The following MAP3K1 variants were observed in gnomAD, a reference collection of about 807,000 sequenced individuals.
The protein encoded by MAP3K1 is MAP/ERK kinase kinase 1.
MAP3K1 carries 36 observed loss-of-function variants against 144.2 expected under a neutral mutation model. The ratio of observed to expected loss-of-function variants is 0.25; its 90% CI spans 0.19 to 0.33. The LOEUF (loss-of-function observed/expected upper bound fraction) is 0.33, where lower values mean the gene tolerates loss of function less well. Ranked by LOEUF, MAP3K1 falls within the 10% of genes least tolerant of loss-of-function variation. The pLI, the probability that MAP3K1 is intolerant of heterozygous loss-of-function variation, is 1.00. For synonymous variants in MAP3K1, 718 were observed against 688.7 expected, an observed-to-expected ratio of 1.04 and a Z score of -0.67; for missense variants, 1,650 against 1,881.9, an observed-to-expected ratio of 0.88 and a Z score of 2.28.
intron 1 of MAP3K1, among the ~76,000 whole-genome samples, chr5:56,830,961 A>G (rs1171641946): frequency 6.6e-6 from 1 of 152,048 alleles, no homozygotes; most frequent in Non-Finnish European, 1.5e-5. Context: ...CTACATTAAA[A>G]GCATTGGTAA....
At chr5:56,833,244 T>C (rs1006335372) in intron 1 of MAP3K1, among the ~76,000 whole-genome samples, 6 of 152,362 alleles carry the variant, frequency 3.9e-5, no homozygotes, top group African/African-American at 1.4e-4. Flanking sequence ...TAAATTTCAG[T>C]GTTTTTACAA....
At position 56,883,701 on chromosome 5, in the gene MAP3K1, A is replaced by C. The variant is rs367954951; in HGVS notation, c.3819+22A>C. On this transcript the variant is annotated intron_variant, in intron 15 of 19. Transcript: ENST00000399503. ...ACAGGTAAATATCTAGTGAGCATAT[A>C]AATGAAATGACTCAAATCACAAAAT... is the stretch of plus-strand genomic sequence containing the variant. The C allele has an allele frequency of 7.4e-6, 12 of 1,612,590 alleles. No individual in the cohort carries two copies. In the East Asian group the frequency reaches 2.7e-4, roughly 36 times the overall value.
intron 19 of MAP3K1, among the ~76,000 whole-genome samples, chr5:56,891,537 G>C (rs764583655): frequency 7.9e-4 from 121 of 152,278 alleles, no homozygotes; most frequent in Non-Finnish European, 1.5e-3. Flanking sequence ...AAGCGCTTTA[G>C]TTTAATTAGA....
At position 56,856,058 on chromosome 5, in the gene MAP3K1, A is replaced by G. The variant is rs1156468265; in HGVS notation, c.483-542A>G. ...TTGTACTGGATAATTTTTATTCTTT[A>G]TAGAGTACCCCAAGTGCTTTGTTAT... On this transcript the variant is annotated intron_variant, in intron 1 of 19. Coordinates refer to ENST00000399503, the MANE Select transcript of MAP3K1 (RefSeq NM_005921.2). Among the ~76,000 whole-genome samples, 3 of 152,322 alleles carry G rather than the reference A, an allele frequency of 2.0e-5. No homozygotes were observed. The South Asian group carries it at 6.2e-4, about 32-fold the overall frequency.
At chr5:56,864,698 T>G in intron 3 of MAP3K1, 36 bp from the exon 4 acceptor site, 21 of 1,605,876 alleles carry the variant, frequency 1.3e-5, no homozygotes, top group Non-Finnish European at 1.7e-5. Flanking sequence ...AATTAAGAAA[T>G]GAGAAACGTA....
At chr5:56,817,417 T>C (rs1028358830) in intron 1 of MAP3K1, among the ~76,000 whole-genome samples, 6 of 152,208 alleles carry the variant, frequency 3.9e-5, no homozygotes, top group African/African-American at 1.4e-4. Context: ...TCTAAAGTGA[T>C]CTGGCATTTT....
At chr5:56,818,247 A>G (rs1304404158) in intron 1 of MAP3K1, among the ~76,000 whole-genome samples, 1 of 152,188 alleles carries the variant, frequency 6.6e-6, no homozygotes, top group South Asian at 2.1e-4. Context: ...TTGAGTGTGT[A>G]TATTTTGTAT....
intron 2 of MAP3K1, among the ~76,000 whole-genome samples, chr5:56,858,071 T>C (rs1330741645): frequency 4.6e-5 from 7 of 152,196 alleles, no homozygotes; most frequent in Admixed American, 3.9e-4. Context: ...ATGAAGAAAT[T>C]AAGGATTTAT....
chr5:56,821,622 C>T (rs555202488), intron 1 of MAP3K1, among the ~76,000 whole-genome samples: 2 of 151,800 alleles, frequency 1.3e-5, no homozygotes, highest in Non-Finnish European at 2.9e-5. Flanking sequence ...GAATCGAACT[C>T]CTGGGCTCAG....
intron 9 of MAP3K1, among the ~76,000 whole-genome samples, chr5:56,873,276 A>T (rs1400494520): frequency 2.0e-5 from 3 of 152,206 alleles, no homozygotes; most frequent in African/African-American, 7.2e-5. Context: ...TTATTCAAGG[A>T]TAGAAGGATA....
At chr5:56,820,786 A>G (rs1746130704) in intron 1 of MAP3K1, 2 of 985,220 alleles carry the variant, frequency 2.0e-6, no homozygotes, top group Non-Finnish European at 2.4e-6. Context: ...GGTGGAGAAA[A>G]AGATCATGAG....
At chr5:56,878,595 A>G (rs764960749) in intron 10 of MAP3K1, among the ~76,000 whole-genome samples, 2 of 151,894 alleles carry the variant, frequency 1.3e-5, no homozygotes, top group Non-Finnish European at 2.9e-5. Flanking sequence ...CTGGGTATTC[A>G]TTTTGTTCTG....
Position 56,833,173 on chromosome 5 carries a change from A to AT in MAP3K1, c.482+17125dup, listed in dbSNP as rs1302574759. On this transcript the variant is annotated intron_variant, in intron 1 of 19. Transcript: ENST00000399503. ...GCGTGAGCCACCATGCTCTGCCATG[A>AT]TTTTTTTGTTTTTATATGAAGTTCT... 3.3e-5 allele frequency among the ~76,000 whole-genome samples: 5 copies of AT among 152,180 alleles called. No individual in the cohort carries two copies. In the East Asian group the frequency reaches 9.6e-4, roughly 29 times the overall value.
At chr5:56,888,134 C>T in intron 18 of MAP3K1, 92 bp from the exon 19 acceptor site, 2 of 1,174,256 alleles carry the variant, frequency 1.7e-6, no homozygotes, top group East Asian at 2.3e-5. Context: ...CCAGTTTTCT[C>T]CCTAAAGTAA....
chr5:56,864,378 CTTTT>C (rs11331657), intron 3 of MAP3K1, among the ~76,000 whole-genome samples: 5 of 117,240 alleles, frequency 4.3e-5, no homozygotes, highest in Non-Finnish European at 3.7e-5. Context: ...ATAATAGTTT[CTTTT>C]TTTTTTTTTT....
chr5:56,815,986 C>G lies in MAP3K1; in HGVS notation c.413C>G (p.Pro138Arg). 1 of 1,247,914 alleles carries G rather than the reference C, an allele frequency of 8.0e-7. No homozygotes were observed. Among genetic ancestry groups the G allele is most frequent in the Non-Finnish European group, 1.0e-6 (1 of 997,570 alleles). The allele number at this position is 1,247,914 out of a possible 1,614,324, so 77.3% of individuals were successfully genotyped here. The change falls in exon 1 of 20, where the codon CCC (proline) becomes CGC (arginine). Residue 138 changes from proline to arginine, a missense_variant. Around this residue, in one of 6 missense-constraint regions of MAP3K1, gnomAD observed 360 missense variants for 274.7 expected, o/e 1.31. Coordinates refer to ENST00000399503, the MANE Select transcript of MAP3K1 (RefSeq NM_005921.2). ...GCGCCGGACAGCGGCGCCTCGAGTCCCGCAGCGGCCGAGCCCGGGGAGAAG... is the reference window on the plus strand; with the variant it reads ...GCGCCGGACAGCGGCGCCTCGAGTCGCGCAGCGGCCGAGCCCGGGGAGAAG... ...VAAPDSGASS[P>R]AAAEPGEKRA...
chr5:56,862,680 T>A (rs897202753), intron 3 of MAP3K1, among the ~76,000 whole-genome samples: 11 of 152,266 alleles, frequency 7.2e-5, no homozygotes, highest in African/African-American at 2.7e-4. Context: ...TATGTCATCT[T>A]GTACATCTGT....
Position 56,881,989 on chromosome 5 carries a change from G to T in MAP3K1, c.2789G>T (p.Arg930Ile). Residue 930 changes from arginine (R) to isoleucine (I), a missense_variant, in exon 14 of 20, where the codon AGA becomes ATA. Around this residue, in one of 6 missense-constraint regions of MAP3K1, gnomAD observed 841 missense variants for 886.5 expected, o/e 0.95. Coordinates refer to ENST00000399503, the MANE Select transcript of MAP3K1 (RefSeq NM_005921.2). ...LSASSEDISE[R>I]LASISVGPSS... is the part of the protein sequence containing the mutation. ...GCCAGTTCAGAGGACATTTCTGAGA[G>T]ACTGGCCAGCATTTCAGTAGGACCT... is the stretch of plus-strand genomic sequence containing the variant. 1.2e-6 allele frequency: 2 copies of T among 1,612,342 alleles called. No individual in the cohort carries two copies. Among genetic ancestry groups the T allele is most frequent in the Non-Finnish European group, 1.7e-6 (2 of 1,179,694 alleles).
intron 1 of MAP3K1, among the ~76,000 whole-genome samples, chr5:56,845,195 C>G (rs185047803): frequency 1.4e-4 from 21 of 152,190 alleles, no homozygotes; most frequent in Admixed American, 5.2e-4. Context: ...TTGTATTATG[C>G]CATAACCTAC....
Sources: allele counts gnomAD v4.1 joint callset (sites outside exome capture counted in the v4.1 genomes callset), GRCh38; gene constraint gnomAD v4.1.1; regional missense constraint gnomAD v4.1.1; transcripts MANE v1.5; gene names NCBI Gene and HGNC (gene_info 2026-07-23, HGNC 2026-07-21).